CCND2: variants seen among roughly 807,000 people sequenced by gnomAD.
CCND2 encodes G1/S-specific cyclin-D2.
Under a neutral mutation model 30.2 loss-of-function variants are expected in CCND2, and 6 were observed. That is an observed-to-expected ratio of 0.20 (90% confidence interval 0.11 to 0.39). The LOEUF (loss-of-function observed/expected upper bound fraction) is 0.39, where lower values mean the gene tolerates loss of function less well. Ranked by LOEUF, CCND2 falls within the 10% of genes least tolerant of loss-of-function variation. CCND2 has a pLI of 1.00. For missense variants in CCND2, 235 were observed against 373.4 expected (o/e 0.63, Z 3.06); for synonymous variants, 150 against 153.1 (o/e 0.98, Z 0.15).
rs1323984296 is a variant in CCND2 at position 4,278,865 on chromosome 12, A to G, written c.517A>G (p.Lys173Glu). Reference protein sequence around the residue: ...ILRKLPQQREKLSLIRKHAQT... With the variant: ...ILRKLPQQREELSLIRKHAQT... ...GCGCAAGCTGCCCCAGCAGCGGGAGAAGCTGTCTCTGATCCGCAAGCATGC... is the reference window on the plus strand; with the variant it reads ...GCGCAAGCTGCCCCAGCAGCGGGAGGAGCTGTCTCTGATCCGCAAGCATGC... The change falls in exon 3 of 5, where the codon AAG becomes GAG. Residue 173 changes from lysine (K) to glutamate (E), a missense_variant. Physicochemically the swap from Lys to Glu is moderately conservative, Grantham distance 56 (BLOSUM62 1). This residue lies in a region of CCND2 where 178 missense variants were observed against 322.8 expected (regional missense o/e 0.55). Transcript: ENST00000261254. 1 of 1,614,134 alleles carries G rather than the reference A, an allele frequency of 6.2e-7. No homozygotes were observed. The highest frequency in any genetic ancestry group is 8.5e-7 in the Non-Finnish European group (1 of 1,180,002).
chr12:4,302,683 G>T lies in CCND2; in HGVS notation c.*2674G>T, dbSNP rs147247521. 1 of 233,170 alleles carries T rather than the reference G, an allele frequency of 4.3e-6. No homozygotes were observed. The highest frequency in any genetic ancestry group is 8.5e-6 in the Non-Finnish European group (1 of 118,084). 14.4% of individuals were successfully genotyped at this position (233,170 alleles called of 1,614,324 possible). On this transcript the variant is annotated 3_prime_UTR_variant, in exon 5 of 5. Transcript: ENST00000261254. Reference sequence around the variant, plus strand: ...GTTTTCAATCACACTGAATTGGCAGGATAAGAAAAATAGGTCAGATAAGTA... The same window carrying T: ...GTTTTCAATCACACTGAATTGGCAGTATAAGAAAAATAGGTCAGATAAGTA...
chr12:4,286,477 C>T (rs527988407), intron 3 of CCND2, among the ~76,000 whole-genome samples: 2 of 152,198 alleles, frequency 1.3e-5, no homozygotes, highest in African/African-American at 4.8e-5. Flanking sequence ...GAGGAAGATG[C>T]TCGTCTTCTG....
chr12:4,279,832 GC>G (rs1168814925), intron 3 of CCND2, among the ~76,000 whole-genome samples: 1 of 151,282 alleles, frequency 6.6e-6, no homozygotes, highest in Admixed American at 6.6e-5. Flanking sequence ...TAGGTAAAAA[GC>G]TGATCACTTG....
intron 3 of CCND2, among the ~76,000 whole-genome samples, chr12:4,283,415 G>C (rs1190397255): frequency 4.6e-5 from 7 of 152,162 alleles, no homozygotes; most frequent in Non-Finnish European, 1.0e-4. Context: ...TGACTTTGAG[G>C]AGCTGGTCAG....
At chr12:4,291,962 T>C (rs1864106959) in intron 4 of CCND2, among the ~76,000 whole-genome samples, 1 of 151,816 alleles carries the variant, frequency 6.6e-6, no homozygotes, top group South Asian at 2.1e-4. Context: ...GAGGAGAGGA[T>C]GGGGAGTTAG....
chr12:4,291,867 G>A (rs4766231), intron 4 of CCND2, among the ~76,000 whole-genome samples: 152,195 of 152,314 alleles, frequency 1, 76,039 homozygotes, highest in Non-Finnish European at 1. Flanking sequence ...GACAAATACT[G>A]TATGATTCCA....
At position 4,299,142 on chromosome 12, in the gene CCND2, A is replaced by G. The variant is rs559158001; in HGVS notation, c.721-718A>G. Among the ~76,000 whole-genome samples the G allele has an allele frequency of 2.0e-3, 310 of 152,044 alleles. 2 individuals carry two copies. The highest frequency in any genetic ancestry group is 2.3e-3 in the Non-Finnish European group (154 of 67,960). On this transcript the variant is annotated intron_variant, in intron 4 of 4. Transcript: ENST00000261254. This position sits in a 1 kb window ranked among gnomAD's most constrained non-coding sequence, Gnocchi z 5.2. The stretch of plus-strand genomic sequence containing the variant: ...TTTGGGAGGCCGATGCGGGCGGATC[A>G]CAAGGTCAGGAGTTCGAGGCCAGCC...
rs781255227 is a variant in CCND2, at chr12:4,296,931, G to A, written c.721-2929G>A. On this transcript the variant is annotated intron_variant, in intron 4 of 4. Coordinates refer to ENST00000261254, the MANE Select transcript of CCND2 (RefSeq NM_001759.4). ...GTGACGGAGGATGGCTGGAATGTGG[G>A]GTTGAAGCTGCTGTTCTGGGTCTCA... is the stretch of plus-strand genomic sequence containing the variant. Among the ~76,000 whole-genome samples the A allele has an allele frequency of 5.1e-4, 77 of 152,330 alleles. 1 individual carries two copies. Among genetic ancestry groups the A allele is most frequent in the Non-Finnish European group, 8.7e-4 (59 of 68,030 alleles).
At chr12:4,283,185 G>T (rs1484043342) in intron 3 of CCND2, among the ~76,000 whole-genome samples, 1 of 152,160 alleles carries the variant, frequency 6.6e-6, no homozygotes, top group East Asian at 1.9e-4. Flanking sequence ...TGATGAAATG[G>T]AGCACTTCTC....
intron 3 of CCND2, among the ~76,000 whole-genome samples, chr12:4,279,680 G>C (rs193147781): frequency 2.0e-4 from 29 of 143,970 alleles, no homozygotes; most frequent in African/African-American, 6.7e-4. Context: ...GTGGTTTGCT[G>C]TTGTCTTATT....
rs1018723361 is a variant in CCND2, at chr12:4,302,098, G to A, written c.*2089G>A. ...ACAGTTTCTGCTTGGGAGCCCATTC[G>A]CATGAGGAATACAGAAGCAGTGTGA... is the stretch of plus-strand genomic sequence containing the variant. On this transcript the variant is annotated 3_prime_UTR_variant, in exon 5 of 5. Coordinates refer to ENST00000261254, the MANE Select transcript of CCND2 (RefSeq NM_001759.4). 1.3e-5 allele frequency: 3 copies of A among 232,772 alleles called. No individual in the cohort carries two copies. Among genetic ancestry groups the A allele is most frequent in the Non-Finnish European group, 2.5e-5 (3 of 117,716 alleles). 14.4% of individuals were successfully genotyped at this position (232,772 alleles called of 1,614,324 possible).
In CCND2 at chr12:4,301,944, GTTTT is replaced by G. The variant is rs551472296; in HGVS notation, c.*1944_*1947del. Reference sequence around the variant, plus strand: ...TTTTTTTTTCTTTTTTGGTTTTTTGGTTTTTTTTTTTTCCTCTGATCACATTCTT... The same window carrying G: ...TTTTTTTTTCTTTTTTGGTTTTTTGGTTTTTTTTCCTCTGATCACATTCTT... On this transcript the variant is annotated 3_prime_UTR_variant, in exon 5 of 5. Transcript: ENST00000261254. 209 of 199,830 alleles carry G rather than the reference GTTTT, an allele frequency of 1.0e-3. 2 individuals are homozygous for G. The East Asian group carries it at 0.013, about 13-fold the overall frequency. The allele number at this position is 199,830 out of a possible 1,614,324, so 12.4% of individuals were successfully genotyped here. A position where few individuals can be genotyped will look rare whatever the true frequency, so the allele number is the denominator to read the frequency against.
Position 4,287,276 on chromosome 12 carries a change from C to CT in CCND2, c.572-1565dup, listed in dbSNP as rs1314125793. The stretch of plus-strand genomic sequence containing the variant: ...TGCTTGGCTCAGGGATCCACGGTGT[C>CT]TAACAATGCTGCTAACTTGATGCTG... On this transcript the variant is annotated intron_variant, in intron 3 of 4. Coordinates refer to ENST00000261254, the MANE Select transcript of CCND2 (RefSeq NM_001759.4). This position sits in a 1 kb window ranked among gnomAD's most constrained non-coding sequence, Gnocchi z 4.0. Among the ~76,000 whole-genome samples the CT allele has an allele frequency of 6.6e-6, 1 of 152,136 alleles. No homozygotes were observed. The highest frequency in any genetic ancestry group is 1.5e-5 in the Non-Finnish European group (1 of 68,036).
chr12:4,274,685 G>C lies in CCND2; in HGVS notation c.195+450G>C, dbSNP rs906369937. Reference sequence around the variant, plus strand: ...GCCTCAGGTCCCCGCCTGTGGTCGCGACTCCGCGCTGGCACTTCACCGGGG... The same window carrying C: ...GCCTCAGGTCCCCGCCTGTGGTCGCCACTCCGCGCTGGCACTTCACCGGGG... On this transcript the variant is annotated intron_variant, in intron 1 of 4. Transcript: ENST00000261254. The surrounding 1 kb of genome is among the most constrained non-coding windows in gnomAD (Gnocchi z 7.7). Among the ~76,000 whole-genome samples, 1 of 152,200 alleles carries C rather than the reference G, an allele frequency of 6.6e-6. No individual in the cohort carries two copies. The highest frequency in any genetic ancestry group is 2.4e-5 in the African/African-American group (1 of 41,448).
At chr12:4,275,210 G>A (rs559747511) in intron 1 of CCND2, 1 of 152,114 alleles carries the variant, frequency 6.6e-6, no homozygotes, top group East Asian at 1.9e-4. Flanking sequence ...CTGTCCTTGT[G>A]GGCCGCAGCC....
At position 4,273,957 on chromosome 12, in the gene CCND2, C is replaced by G. The variant is rs1457279845; in HGVS notation, c.-84C>G. The G allele has an allele frequency of 1.2e-5, 16 of 1,353,018 alleles. No homozygotes were observed. Among genetic ancestry groups the G allele is most frequent in the Admixed American group, 2.2e-5 (1 of 45,642 alleles). The allele number at this position is 1,353,018 out of a possible 1,614,324, so 83.8% of individuals were successfully genotyped here. The stretch of plus-strand genomic sequence containing the variant: ...AGGAAGGAGGTCAGGGGAACGCTCT[C>G]CCCTCCCCTTCCAAAAAACAAAAAC... On this transcript the variant is annotated 5_prime_UTR_variant, in exon 1 of 5. Transcript: ENST00000261254. The surrounding 1 kb of genome is among the most constrained non-coding windows in gnomAD (Gnocchi z 5.9).
At position 4,276,261 on chromosome 12, in the gene CCND2, C is replaced by G. The variant is rs767018888; in HGVS notation, c.411+41C>G. 1.3e-6 allele frequency: 2 copies of G among 1,557,452 alleles called. No individual in the cohort carries two copies. Among genetic ancestry groups the G allele is most frequent in the Admixed American group, 1.7e-5 (1 of 57,404 alleles). The stretch of plus-strand genomic sequence containing the variant: ...TTCCTCCCTTCCTTTCTGCGATTCC[C>G]GCTTTCCCCTGGCCAACAATATGCC... On this transcript the variant is annotated intron_variant, in intron 2 of 4. Transcript: ENST00000261254. This position sits in a 1 kb window ranked among gnomAD's most constrained non-coding sequence, Gnocchi z 4.8.
intron 4 of CCND2, among the ~76,000 whole-genome samples, chr12:4,290,478 C>G (rs1864084244): frequency 6.6e-6 from 1 of 152,234 alleles, no homozygotes; most frequent in Admixed American, 6.5e-5. Context: ...CTGAATGTCT[C>G]CAATTAAGGC....
In CCND2 at chr12:4,274,567, T is replaced by C. The variant is rs1424443350; in HGVS notation, c.195+332T>C. ...TCTTTTGCGAAGCCGCCGCGGCTGC[T>C]TGCGCTGCGGCCAGGAAGAGAGTCG... On this transcript the variant is annotated intron_variant, in intron 1 of 4. Coordinates refer to ENST00000261254, the MANE Select transcript of CCND2 (RefSeq NM_001759.4). This position sits in a 1 kb window ranked among gnomAD's most constrained non-coding sequence, Gnocchi z 7.7. Among the ~76,000 whole-genome samples, 3 of 152,052 alleles carry C rather than the reference T, an allele frequency of 2.0e-5. No individual in the cohort carries two copies. The highest frequency in any genetic ancestry group is 7.2e-5 in the African/African-American group (3 of 41,408).
Sources: gnomAD v4.1 joint callset for allele counts (sites outside exome capture counted in the v4.1 genomes callset) on GRCh38, gnomAD v4.1.1 for gene constraint, gnomAD v4.1.1 regional missense constraint, Gnocchi (gnomAD v3.1) non-coding constraint, MANE v1.5 for transcripts, NCBI Gene and HGNC (gene_info 2026-07-23, HGNC 2026-07-21) for gene names.